The following TRDN variants were observed in gnomAD, a reference collection of about 807,000 sequenced individuals.
TRDN encodes the protein triadin in skeletal muscle.
TRDN carries 161 observed loss-of-function variants against 149.7 expected under a neutral mutation model. That is an observed-to-expected ratio of 1.08 (90% CI 0.95 to 1.23). The LOEUF is 1.23. Ranked by LOEUF, TRDN falls within the 50% of genes most tolerant of loss-of-function variation. The pLI is 0.00. For missense variants in TRDN, 896 were observed against 823.5 expected, an observed-to-expected ratio of 1.09 and a Z score of -1.08; for synonymous variants, 294 against 250.5, an observed-to-expected ratio of 1.17 and a Z score of -1.64.
intron 4 of TRDN, among the ~76,000 whole-genome samples, chr6:123,537,620 T>C (rs1298662822): frequency 6.6e-6 from 1 of 152,142 alleles, no homozygotes; most frequent in Non-Finnish European, 1.5e-5. Flanking sequence ...AAGGTCTATG[T>C]CTACCACAGT....
At chr6:123,413,687 A>T (rs1163521317) in intron 12 of TRDN, among the ~76,000 whole-genome samples, 1 of 152,138 alleles carries the variant, frequency 6.6e-6, no homozygotes, top group Admixed American at 6.5e-5. Context: ...TAGTTTCCCA[A>T]AAGGCATTCT....
intron 22 of TRDN, among the ~76,000 whole-genome samples, chr6:123,335,711 CT>C (rs1449257115): frequency 6.6e-6 from 1 of 151,948 alleles, no homozygotes; most frequent in African/African-American, 2.4e-5. Flanking sequence ...CCCAACCTTT[CT>C]TTTGAGCTGC....
chr6:123,394,981 GACTAAA>G (rs1344626062), intron 12 of TRDN, among the ~76,000 whole-genome samples: 1 of 151,894 alleles, frequency 6.6e-6, no homozygotes, highest in Non-Finnish European at 1.5e-5. Context: ...AATAATTGTT[GACTAAA>G]ACAAATGGAA....
chr6:123,276,658 C>T, intron 26 of TRDN, among the ~76,000 whole-genome samples: 1 of 152,102 alleles, frequency 6.6e-6, no homozygotes, highest in East Asian at 1.9e-4. Context: ...GCCACTTCAG[C>T]AGAAGACAGA....
intron 5 of TRDN, among the ~76,000 whole-genome samples, chr6:123,518,765 G>A (rs1030733863): frequency 6.6e-6 from 1 of 152,054 alleles, no homozygotes; most frequent in Middle Eastern, 3.2e-3. Flanking sequence ...CTCAGAAATG[G>A]CATCACAACA....
At chr6:123,555,008 T>C (rs921245413) in intron 2 of TRDN, among the ~76,000 whole-genome samples, 1 of 152,170 alleles carries the variant, frequency 6.6e-6, no homozygotes, top group African/African-American at 2.4e-5. Context: ...AATTTAATAG[T>C]CTTCTGAGAC....
chr6:123,291,058 G>A (rs1163518879), intron 24 of TRDN, among the ~76,000 whole-genome samples: 1 of 151,976 alleles, frequency 6.6e-6, no homozygotes, highest in Non-Finnish European at 1.5e-5. Flanking sequence ...TTGGGGGACT[G>A]AGGCAGCATA....
intron 12 of TRDN, among the ~76,000 whole-genome samples, chr6:123,401,877 G>A (rs1359951934): frequency 1.3e-5 from 2 of 151,690 alleles, no homozygotes; most frequent in East Asian, 1.9e-4. Flanking sequence ...AACCCGGGAG[G>A]TGGAGGTTGC....
chr6:123,231,168 C>T (rs540872014), intron 38 of TRDN, among the ~76,000 whole-genome samples: 19 of 152,024 alleles, frequency 1.2e-4, no homozygotes, highest in African/African-American at 4.6e-4. Context: ...TTGCTCTGTG[C>T]CCTGGAGGAA....
chr6:123,268,740 A>G (rs1223874599), intron 31 of TRDN, among the ~76,000 whole-genome samples: 1 of 152,092 alleles, frequency 6.6e-6, no homozygotes, highest in Admixed American at 6.6e-5. Flanking sequence ...AACTGATAGC[A>G]TTCAAGAATA....
At chr6:123,307,208 A>G (rs184084518) in intron 24 of TRDN, among the ~76,000 whole-genome samples, 86 of 152,248 alleles carry the variant, frequency 5.6e-4, no homozygotes, top group African/African-American at 2.0e-3. Context: ...GTACTTCTTC[A>G]TAAATACTCA....
intron 1 of TRDN, among the ~76,000 whole-genome samples, chr6:123,583,403 T>C (rs9375271): frequency 0.12 from 18,303 of 151,552 alleles, 1,196 homozygotes; most frequent in African/African-American, 0.17. Context: ...TACCTTGTAG[T>C]ATTCTGAGGA....
intron 9 of TRDN, among the ~76,000 whole-genome samples, chr6:123,478,792 A>G (rs987571815): frequency 6.6e-6 from 1 of 152,166 alleles, no homozygotes; most frequent in African/African-American, 2.4e-5. Context: ...ATTTCAGTCA[A>G]TCCTCAAAGC....
At chr6:123,293,092 T>C (rs1224231171) in intron 24 of TRDN, among the ~76,000 whole-genome samples, 1 of 152,122 alleles carries the variant, frequency 6.6e-6, no homozygotes, top group African/African-American at 2.4e-5. Flanking sequence ...CAGGAAATCA[T>C]CTTCACAGTT....
Position 123,480,523 on chromosome 6 carries a change from C to T in TRDN, c.854-15540G>A, listed in dbSNP as rs997207295. ...TTCCTGAATATGGGTACATTGAATA[C>T]GTCATAGCCTCTCAAGTTAAAATGT... On this transcript the variant is annotated intron_variant, in intron 9 of 40. Coordinates refer to ENST00000334268, the MANE Select transcript of TRDN (RefSeq NM_006073.4). Among the ~76,000 whole-genome samples the T allele has an allele frequency of 5.3e-5, 8 of 152,094 alleles. No individual in the cohort carries two copies. The South Asian group carries it at 6.2e-4, about 12-fold the overall frequency.
intron 19 of TRDN, among the ~76,000 whole-genome samples, chr6:123,372,659 G>A (rs1781365997): frequency 6.6e-6 from 1 of 152,102 alleles, no homozygotes; most frequent in Non-Finnish European, 1.5e-5. Context: ...ATCATTGAAA[G>A]AGAAAGGGGT....
intron 38 of TRDN, among the ~76,000 whole-genome samples, chr6:123,235,218 A>G (rs1272488771): frequency 2.0e-5 from 3 of 152,140 alleles, no homozygotes; most frequent in African/African-American, 7.2e-5. Context: ...TCTCTCAGAT[A>G]GCCAATAGGT....
At chr6:123,328,588 T>C (rs1029235263) in intron 23 of TRDN, among the ~76,000 whole-genome samples, 5 of 151,202 alleles carry the variant, frequency 3.3e-5, no homozygotes, top group Admixed American at 3.3e-4. Flanking sequence ...GCTCCAAAAC[T>C]TGCCTCATAG....
At chr6:123,222,495 A>AT (rs1165746402) in intron 39 of TRDN, among the ~76,000 whole-genome samples, 4 of 151,432 alleles carry the variant, frequency 2.6e-5, no homozygotes, top group African/African-American at 9.7e-5. Flanking sequence ...CAATTTAAAA[A>AT]ATATATATAT....
Sources: gnomAD v4.1 joint callset for allele counts (sites outside exome capture counted in the v4.1 genomes callset) on GRCh38, gnomAD v4.1.1 for gene constraint, MANE v1.5 for transcripts, NCBI Gene and HGNC (gene_info 2026-07-23, HGNC 2026-07-21) for gene names.